CSMD1: variants seen among roughly 807,000 people sequenced by gnomAD.
CSMD1 encodes the protein CUB and Sushi multiple domains 1.
CSMD1 carries 213 observed loss-of-function variants against 417.5 expected under a neutral mutation model. That is an observed-to-expected ratio of 0.51 (90% CI 0.46 to 0.57). The LOEUF is 0.57. Ranked by LOEUF, CSMD1 falls within the 20% of genes least tolerant of loss-of-function variation. The pLI, the probability that CSMD1 is intolerant of heterozygous loss-of-function variation, is 0.00. For synonymous variants in CSMD1, 2,862 were observed against 1,736.8 expected, an observed-to-expected ratio of 1.65 and a Z score of -16.11; for missense variants, 6,923 against 4,529.7, an observed-to-expected ratio of 1.53 and a Z score of -15.17.
Position 3,666,811 on chromosome 8 carries a change from T to A in CSMD1, c.1009+41603A>T, listed in dbSNP as rs181618428. Among the ~76,000 whole-genome samples the A allele has an allele frequency of 4.6e-5, 7 of 152,076 alleles. No individual in the cohort carries two copies. In the East Asian group the frequency reaches 1.3e-3, roughly 29 times the overall value. ...CATGATTGTGAGGCCTCCTCAGCCA[T>A]GTGGAACTGTGAGTCCATTAAATCT... On this transcript the variant is annotated intron_variant, in intron 7 of 69. Coordinates refer to ENST00000635120, the MANE Select transcript of CSMD1 (RefSeq NM_033225.6).
intron 1 of CSMD1, among the ~76,000 whole-genome samples, chr8:4,698,443 G>A (rs767446769): frequency 2.4e-4 from 36 of 152,064 alleles, no homozygotes; most frequent in Admixed American, 2.2e-3. Flanking sequence ...GGTGTGATTC[G>A]CAAACTTTCA....
chr8:4,270,246 T>C (rs1170454883), intron 3 of CSMD1, among the ~76,000 whole-genome samples: 1 of 152,176 alleles, frequency 6.6e-6, no homozygotes, highest in Non-Finnish European at 1.5e-5. Context: ...TTCTCATGTC[T>C]CTTACAAATA....
intron 2 of CSMD1, among the ~76,000 whole-genome samples, chr8:4,466,355 C>T (rs1244694707): frequency 1.3e-5 from 2 of 151,998 alleles, no homozygotes; most frequent in Non-Finnish European, 2.9e-5. Context: ...CAGAGGTTGA[C>T]AAGGACTAGC....
At chr8:3,885,853 C>A (rs1455698907) in intron 5 of CSMD1, among the ~76,000 whole-genome samples, 1 of 152,010 alleles carries the variant, frequency 6.6e-6, no homozygotes, top group African/African-American at 2.4e-5. Context: ...TCTCTGTGAA[C>A]AAAACAATTT....
chr8:4,446,952 A>T (rs943816103), intron 2 of CSMD1, among the ~76,000 whole-genome samples: 3 of 149,644 alleles, frequency 2.0e-5, no homozygotes, highest in Non-Finnish European at 4.4e-5. Flanking sequence ...AAAAAAAAAC[A>T]TTGGCCCTAC....
chr8:4,413,063 A>T (rs751154523), intron 3 of CSMD1, among the ~76,000 whole-genome samples: 4 of 152,234 alleles, frequency 2.6e-5, no homozygotes, highest in Middle Eastern at 3.2e-3. Context: ...AAAATTACGC[A>T]TATAATTTCA....
chr8:4,157,307 G>A (rs549752255), intron 3 of CSMD1, among the ~76,000 whole-genome samples: 2 of 152,298 alleles, frequency 1.3e-5, no homozygotes, highest in East Asian at 3.9e-4. Flanking sequence ...CTGGGTCACT[G>A]CACCAGCAAC....
chr8:3,676,997 C>G (rs970218097), intron 7 of CSMD1, among the ~76,000 whole-genome samples: 21 of 151,700 alleles, frequency 1.4e-4, no homozygotes, highest in African/African-American at 5.1e-4. Context: ...GGACCGGGGC[C>G]TGTTGCGGGG....
At chr8:3,538,327 TGA>T (rs1798290514) in intron 10 of CSMD1, among the ~76,000 whole-genome samples, 2 of 152,276 alleles carry the variant, frequency 1.3e-5, no homozygotes, top group South Asian at 4.1e-4. Flanking sequence ...ATGCCTCATC[TGA>T]GATTATGCAA....
rs73505653 is a variant in CSMD1, at chr8:3,347,926, T to C, written c.3474+66A>G. 5,899 of 1,127,154 alleles carry C rather than the reference T, an allele frequency of 5.2e-3. 222 individuals carry two copies. The African/African-American group carries it at 0.081, about 16-fold the overall frequency. 69.8% of individuals were successfully genotyped at this position (1,127,154 alleles called of 1,614,324 possible). ...GTGCATATATCTATATGTAGAAAAA[T>C]AGATAGACAATGTATTTTTTGAGAA... On this transcript the variant is annotated intron_variant, in intron 22 of 69. Coordinates refer to ENST00000635120, the MANE Select transcript of CSMD1 (RefSeq NM_033225.6).
chr8:3,533,907 C>G (rs1158436035), intron 10 of CSMD1, among the ~76,000 whole-genome samples: 1 of 152,140 alleles, frequency 6.6e-6, no homozygotes, highest in East Asian at 1.9e-4. Context: ...CGTCATTCAC[C>G]AAGAATCCCT....
intron 2 of CSMD1, among the ~76,000 whole-genome samples, chr8:4,594,299 G>T (rs956985103): frequency 1.3e-5 from 2 of 149,098 alleles, no homozygotes; most frequent in Non-Finnish European, 3.0e-5. Context: ...TGACTCCTGG[G>T]TTAAAGCGAT....
intron 2 of CSMD1, among the ~76,000 whole-genome samples, chr8:4,592,666 C>T (rs977388405): frequency 3.3e-5 from 5 of 152,152 alleles, no homozygotes; most frequent in African/African-American, 9.7e-5. Context: ...GGATTACCAG[C>T]GTGAGCCACT....
chr8:4,319,084 A>G (rs1166179479), intron 3 of CSMD1, among the ~76,000 whole-genome samples: 1 of 152,196 alleles, frequency 6.6e-6, no homozygotes, highest in Admixed American at 6.5e-5. Context: ...AGTAGTCCTC[A>G]CATATACATG....
chr8:4,681,774 G>T (rs1372925653), intron 1 of CSMD1, among the ~76,000 whole-genome samples: 2 of 152,082 alleles, frequency 1.3e-5, no homozygotes, highest in Non-Finnish European at 2.9e-5. Flanking sequence ...AGATAAAGAG[G>T]TATTTACCCC....
intron 8 of CSMD1, among the ~76,000 whole-genome samples, chr8:3,611,024 C>G (rs1000992678): frequency 7.3e-6 from 1 of 136,152 alleles, no homozygotes; most frequent in African/African-American, 2.8e-5. Context: ...TAGGTGGGAA[C>G]TGAACAATGA....
At chr8:3,709,874 T>A (rs1312392398) in intron 6 of CSMD1, among the ~76,000 whole-genome samples, 2 of 150,116 alleles carry the variant, frequency 1.3e-5, no homozygotes, top group Non-Finnish European at 3.0e-5. Flanking sequence ...TGTGTACACA[T>A]GCACATAAGG....
chr8:3,845,427 T>A (rs1411514649), intron 5 of CSMD1, among the ~76,000 whole-genome samples: 1 of 152,166 alleles, frequency 6.6e-6, no homozygotes, highest in African/African-American at 2.4e-5. Flanking sequence ...GATATCTATG[T>A]ATCTAAGCAT....
At chr8:3,965,477 T>C (rs1812620225) in intron 5 of CSMD1, among the ~76,000 whole-genome samples, 1 of 152,152 alleles carries the variant, frequency 6.6e-6, no homozygotes, top group South Asian at 2.1e-4. Flanking sequence ...GAGTAGACGA[T>C]ATCACAAAAC....
Sources: gnomAD v4.1 joint callset for allele counts (sites outside exome capture counted in the v4.1 genomes callset) on GRCh38, gnomAD v4.1.1 for gene constraint, MANE v1.5 for transcripts, NCBI Gene and HGNC (gene_info 2026-07-23, HGNC 2026-07-21) for gene names.